KIAA1958: variants seen among roughly 807,000 people sequenced by gnomAD.
KIAA1958 encodes the protein uncharacterized protein KIAA1958.
KIAA1958 carries 14 observed loss-of-function variants against 47.2 expected under a neutral mutation model. The ratio of observed to expected loss-of-function variants is 0.30; its 90% CI spans 0.20 to 0.46. The LOEUF is 0.46. Among genes scored for constraint, KIAA1958 ranks in the 20% least tolerant of loss-of-function variants. The probability of loss-of-function intolerance (pLI) is 1.00; values close to 1 mark genes in which losing one functional copy is unlikely to be tolerated. For missense variants in KIAA1958, 803 were observed against 909.2 expected, an observed-to-expected ratio of 0.88 and a Z score of 1.50; for synonymous variants, 354 against 353.3, an observed-to-expected ratio of 1.00 and a Z score of -0.02.
intron 2 of KIAA1958, among the ~76,000 whole-genome samples, chr9:112,635,370 C>T (rs969610476): frequency 6.6e-6 from 1 of 151,934 alleles, no homozygotes; most frequent in African/African-American, 2.4e-5. Context: ...CTCACCTCAG[C>T]CTCCAAGTAG....
chr9:112,505,416 C>T (rs982841580), intron 1 of KIAA1958, among the ~76,000 whole-genome samples: 3 of 152,040 alleles, frequency 2.0e-5, no homozygotes, highest in African/African-American at 7.3e-5. Flanking sequence ...TAGGTAAATT[C>T]GTGTGAGTAG....
chr9:112,656,580 T>C (rs1687671406), intron 3 of KIAA1958, among the ~76,000 whole-genome samples: 1 of 152,106 alleles, frequency 6.6e-6, no homozygotes, highest in Non-Finnish European at 1.5e-5. Flanking sequence ...GGGGAGTTTA[T>C]ATTTATATAC....
At chr9:112,599,439 A>G (rs1399261191) in intron 2 of KIAA1958, among the ~76,000 whole-genome samples, 1 of 152,214 alleles carries the variant, frequency 6.6e-6, no homozygotes, top group Non-Finnish European at 1.5e-5. Context: ...CTGAACTGTG[A>G]AAGGACTCAT....
chr9:112,634,010 T>C (rs1836756321), intron 2 of KIAA1958, among the ~76,000 whole-genome samples: 1 of 146,546 alleles, frequency 6.8e-6, no homozygotes, highest in Admixed American at 6.6e-5. Flanking sequence ...TACTGAGTCA[T>C]AGAATTGGTG....
chr9:112,592,234 A>G (rs986486697), intron 2 of KIAA1958, among the ~76,000 whole-genome samples: 1 of 152,198 alleles, frequency 6.6e-6, no homozygotes, highest in Non-Finnish European at 1.5e-5. Flanking sequence ...ACATACTGAC[A>G]TATTAATTCT....
chr9:112,644,494 G>A (rs1262178104), intron 2 of KIAA1958, among the ~76,000 whole-genome samples: 2 of 152,184 alleles, frequency 1.3e-5, no homozygotes, highest in Non-Finnish European at 2.9e-5. Context: ...ATTAGATGAA[G>A]TGTTTTTACT....
At chr9:112,563,855 G>A (rs935843219) in intron 1 of KIAA1958, among the ~76,000 whole-genome samples, 1 of 151,940 alleles carries the variant, frequency 6.6e-6, no homozygotes, top group South Asian at 2.1e-4. Context: ...TATATTAGCT[G>A]TAGATTTTGT....
At chr9:112,577,226 G>A (rs1330595698) in intron 2 of KIAA1958, among the ~76,000 whole-genome samples, 1 of 151,984 alleles carries the variant, frequency 6.6e-6, no homozygotes, top group Admixed American at 6.6e-5. Context: ...AGTTCTTTAT[G>A]TGTGCTGAAT....
At chr9:112,586,624 T>A (rs570312569) in intron 2 of KIAA1958, among the ~76,000 whole-genome samples, 2 of 152,304 alleles carry the variant, frequency 1.3e-5, no homozygotes, top group Non-Finnish European at 2.9e-5. Flanking sequence ...AAATAAAAAC[T>A]ATATTATTTA....
In KIAA1958 at chr9:112,614,241, C is replaced by T. The variant is rs77692779; in HGVS notation, c.1172-31409C>T. ...ACTATGATGTTTCAAGTCAGGAGAG[C>T]GGGTTTTCTTGGTGAGAGCAAGTGA... On this transcript the variant is annotated intron_variant, in intron 2 of 3. Coordinates refer to ENST00000337530, the MANE Select transcript of KIAA1958 (RefSeq NM_133465.4). Among the ~76,000 whole-genome samples the T allele has an allele frequency of 2.5e-3, 377 of 151,858 alleles. 2 individuals carry two copies. Among genetic ancestry groups the T allele is most frequent in the African/African-American group, 8.4e-3 (347 of 41,416 alleles).
At chr9:112,591,973 G>T (rs1414483578) in intron 2 of KIAA1958, among the ~76,000 whole-genome samples, 1 of 152,114 alleles carries the variant, frequency 6.6e-6, no homozygotes, top group Non-Finnish European at 1.5e-5. Context: ...TATCCCTGAC[G>T]CACGTGGCCC....
chr9:112,517,200 CAGT>C (rs959705335), intron 1 of KIAA1958, among the ~76,000 whole-genome samples: 1 of 150,618 alleles, frequency 6.6e-6, no homozygotes, highest in African/African-American at 2.5e-5. Context: ...ATAAATAAAT[CAGT>C]AGAACATCAT....
At chr9:112,551,050 TTTAAG>T (rs1835134625) in intron 1 of KIAA1958, among the ~76,000 whole-genome samples, 1 of 152,144 alleles carries the variant, frequency 6.6e-6, no homozygotes, top group Non-Finnish European at 1.5e-5. Flanking sequence ...TTTTTTTTTT[TTTAAG>T]TTAGGGAGGT....
intron 3 of KIAA1958, among the ~76,000 whole-genome samples, chr9:112,653,591 C>T (rs774705239): frequency 1.8e-4 from 28 of 152,256 alleles, no homozygotes; most frequent in Non-Finnish European, 3.8e-4. Context: ...ACACCATGCA[C>T]TAAGCCAGTG....
At chr9:112,625,320 T>G (rs1836589955) in intron 2 of KIAA1958, among the ~76,000 whole-genome samples, 1 of 152,060 alleles carries the variant, frequency 6.6e-6, no homozygotes, top group Non-Finnish European at 1.5e-5. Flanking sequence ...CCTGACTAAT[T>G]TTTAAAAATT....
intron 2 of KIAA1958, among the ~76,000 whole-genome samples, chr9:112,605,508 T>C (rs1433185429): frequency 1.3e-5 from 2 of 152,192 alleles, no homozygotes; most frequent in Non-Finnish European, 2.9e-5. Flanking sequence ...GCAGAGTTTA[T>C]TGAAGATTTT....
chr9:112,541,196 G>T (rs1834934660), intron 1 of KIAA1958, among the ~76,000 whole-genome samples: 1 of 152,098 alleles, frequency 6.6e-6, no homozygotes, highest in South Asian at 2.1e-4. Context: ...ATGATGATGG[G>T]AGTAAGCGTC....
chr9:112,516,269 C>A (rs1351055465), intron 1 of KIAA1958, among the ~76,000 whole-genome samples: 1 of 88,144 alleles, frequency 1.1e-5, no homozygotes, highest in African/African-American at 4.8e-5. Context: ...CACAGTGAGA[C>A]CTCATCTCTT....
intron 1 of KIAA1958, among the ~76,000 whole-genome samples, chr9:112,551,495 CAT>C (rs904045015): frequency 2.6e-5 from 4 of 152,150 alleles, no homozygotes; most frequent in African/African-American, 7.2e-5. Flanking sequence ...AATTTGAAAA[CAT>C]AAACTGAAGA....
Sources: gnomAD v4.1 joint callset for allele counts (sites outside exome capture counted in the v4.1 genomes callset) on GRCh38, gnomAD v4.1.1 for gene constraint, MANE v1.5 for transcripts, NCBI Gene and HGNC (gene_info 2026-07-23, HGNC 2026-07-21) for gene names.